LDHB: variants seen among roughly 807,000 people sequenced by gnomAD.
LDHB encodes the protein L-lactate dehydrogenase B chain.
LDHB carries 18 observed loss-of-function variants against 33.4 expected under a neutral mutation model. That is an observed-to-expected ratio of 0.54 (90% CI 0.37 to 0.80). LDHB has a LOEUF of 0.80. Among genes scored for constraint, LDHB ranks in the 30% least tolerant of loss-of-function variants. The probability of loss-of-function intolerance (pLI) is 0.00; values close to 1 mark genes in which losing one functional copy is unlikely to be tolerated. For missense variants in LDHB, 345 were observed against 407.9 expected, an observed-to-expected ratio of 0.85 and a Z score of 1.33; for synonymous variants, 121 against 140.6, an observed-to-expected ratio of 0.86 and a Z score of 0.98.
At chr12:21,638,312 G>T in intron 6 of LDHB, 41 bp downstream of exon 6, 2 of 1,033,380 alleles carry the variant, frequency 1.9e-6, no homozygotes, top group Non-Finnish European at 3.1e-6. Flanking sequence ...TTTAAGTAGA[G>T]TTGAAATTAA....
At chr12:21,645,077 C>G (rs940587732) in intron 3 of LDHB, among the ~76,000 whole-genome samples, 1 of 152,090 alleles carries the variant, frequency 6.6e-6, no homozygotes, top group African/African-American at 2.4e-5. Context: ...ACCCTACCCC[C>G]ACCCCTGCGC....
intron 2 of LDHB, among the ~76,000 whole-genome samples, chr12:21,647,838 A>T (rs1938569324): frequency 6.6e-6 from 1 of 152,004 alleles, no homozygotes; most frequent in Non-Finnish European, 1.5e-5. Context: ...CTGGGATTAC[A>T]GGTACGTGCC....
intron 2 of LDHB, among the ~76,000 whole-genome samples, chr12:21,648,910 G>A (rs1289153265): frequency 6.6e-6 from 1 of 152,166 alleles, no homozygotes; most frequent in Non-Finnish European, 1.5e-5. Context: ...CTGTGAGTTG[G>A]GGATCACGTA....
At chr12:21,636,930 A>G (rs1938234154) in intron 7 of LDHB, 141 bp downstream of exon 7, 7 of 770,828 alleles carry the variant, frequency 9.1e-6, no homozygotes, top group Non-Finnish European at 1.6e-5. Flanking sequence ...CTGTTGGAAA[A>G]TGAGAATAGT....
chr12:21,654,877 C>G (rs536578899), intron 1 of LDHB, among the ~76,000 whole-genome samples, 200 bp from the exon 2 acceptor site: 4 of 151,782 alleles, frequency 2.6e-5, no homozygotes, highest in Non-Finnish European at 5.9e-5. Flanking sequence ...AATCCCAACA[C>G]TTTGGGAGGC....
chr12:21,650,298 T>A (rs943350593), intron 2 of LDHB, among the ~76,000 whole-genome samples: 4 of 152,202 alleles, frequency 2.6e-5, no homozygotes, highest in African/African-American at 9.7e-5. Flanking sequence ...TACATTATTA[T>A]TAAATACTAT....
At chr12:21,640,106 TTAA>T (rs1323309947) in intron 5 of LDHB, among the ~76,000 whole-genome samples, 1 of 149,994 alleles carries the variant, frequency 6.7e-6, no homozygotes, top group African/African-American at 2.4e-5. Flanking sequence ...ATCATTATTA[TTAA>T]TAAAATATTT....
intron 5 of LDHB, among the ~76,000 whole-genome samples, chr12:21,640,341 G>A (rs12312170): frequency 0.15 from 4,073 of 27,862 alleles, 169 homozygotes; most frequent in Middle Eastern, 0.33. Context: ...GTCTGAACAC[G>A]AAGCACTAAA....
intron 2 of LDHB, among the ~76,000 whole-genome samples, chr12:21,647,682 G>A (rs1938562997): frequency 6.6e-6 from 1 of 152,022 alleles, no homozygotes. Flanking sequence ...TCTTGATCTG[G>A]AGTCATATTT....
intron 5 of LDHB, among the ~76,000 whole-genome samples, chr12:21,639,644 T>C (rs1247901448): frequency 1.3e-5 from 2 of 152,064 alleles, no homozygotes; most frequent in Non-Finnish European, 2.9e-5. Flanking sequence ...GTGGCATAAT[T>C]ATCTTTATTT....
intron 2 of LDHB, 88 bp from the exon 3 acceptor site, chr12:21,647,104 G>A (rs1938548135): frequency 1.3e-6 from 1 of 762,944 alleles, no homozygotes; most frequent in Admixed American, 2.0e-5. Context: ...TCTTTAACAT[G>A]GCTAAGCACC....
chr12:21,647,037 A>G, intron 2 of LDHB, 21 bp from the exon 3 acceptor site: 1 of 1,480,410 alleles, frequency 6.8e-7, no homozygotes, highest in Non-Finnish European at 9.4e-7. Context: ...AAAAACAGGC[A>G]TTAGAACCCT....
intron 2 of LDHB, among the ~76,000 whole-genome samples, chr12:21,647,627 TC>T (rs1938562054): frequency 6.6e-6 from 1 of 152,118 alleles, no homozygotes; most frequent in African/African-American, 2.4e-5. Flanking sequence ...TCATTCTCTG[TC>T]CCCCATTCAA....
chr12:21,651,299 T>C (rs1173775784), intron 2 of LDHB, among the ~76,000 whole-genome samples: 2 of 152,204 alleles, frequency 1.3e-5, no homozygotes, highest in Non-Finnish European at 2.9e-5. Context: ...ATATGTGCAC[T>C]GTAAAATGAC....
intron 2 of LDHB, among the ~76,000 whole-genome samples, chr12:21,653,217 T>C (rs1938743530): frequency 6.6e-6 from 1 of 152,142 alleles, no homozygotes; most frequent in African/African-American, 2.4e-5. Context: ...AAAATTGAAG[T>C]GGAAGGTGAT....
intron 2 of LDHB, among the ~76,000 whole-genome samples, chr12:21,647,938 C>G (rs1591832900): frequency 6.6e-6 from 1 of 152,070 alleles, no homozygotes; most frequent in Non-Finnish European, 1.5e-5. Flanking sequence ...CTCAGTTGAT[C>G]CACCCGCCCC....
intron 2 of LDHB, among the ~76,000 whole-genome samples, chr12:21,653,596 G>A (rs933795431): frequency 6.6e-6 from 1 of 151,978 alleles, no homozygotes; most frequent in Non-Finnish European, 1.5e-5. Flanking sequence ...GGACATCTAT[G>A]TATTTCTATA....
At position 21,646,945 on chromosome 12, in the gene LDHB, C is replaced by A; in HGVS notation, c.201G>T (p.Gln67His). ...GTGTCTGAAGAAATAAGCTCCCATG[C>A]TGCAGATCCATCATTTCTCCTTTAA... ...DKLKGEMMDL[Q>H]HGSLFLQTPK... Residue 67 changes from glutamine (Q) to histidine (H), a missense_variant, in exon 3 of 8, where the codon CAG becomes CAT. By Grantham distance (24) the Gln-to-His change is conservative (BLOSUM62 0). Coordinates refer to ENST00000350669, the MANE Select transcript of LDHB (RefSeq NM_002300.8). 1 of 1,613,582 alleles carries A rather than the reference C, an allele frequency of 6.2e-7. No homozygotes were observed. The highest frequency in any genetic ancestry group is 8.5e-7 in the Non-Finnish European group (1 of 1,179,586).
chr12:21,641,275 C>CATT, intron 5 of LDHB, among the ~76,000 whole-genome samples: 2 of 152,274 alleles, frequency 1.3e-5, no homozygotes, highest in Middle Eastern at 6.8e-3. Context: ...GCCACACTGA[C>CATT]ATTACATGCC....
Sources: gnomAD v4.1 joint callset for allele counts (sites outside exome capture counted in the v4.1 genomes callset) on GRCh38, gnomAD v4.1.1 for gene constraint, MANE v1.5 for transcripts, NCBI Gene and HGNC (gene_info 2026-07-23, HGNC 2026-07-21) for gene names.